The following EDIL3 variants were observed in gnomAD, a reference collection of about 807,000 sequenced individuals.
EDIL3 encodes EGF like and discoidin domains 3.
A neutral mutation model predicts 67.4 loss-of-function variants in EDIL3; 37 were observed. The ratio of observed to expected loss-of-function variants is 0.55; its 90% confidence interval spans 0.42 to 0.72. EDIL3 has a LOEUF of 0.72. Ranked by LOEUF, EDIL3 falls within the 30% of genes least tolerant of loss-of-function variation. The probability of loss-of-function intolerance (pLI) is 0.00; values close to 1 mark genes in which losing one functional copy is unlikely to be tolerated. For synonymous variants in EDIL3, 195 were observed against 196.3 expected, an observed-to-expected ratio of 0.99 and a Z score of 0.05; for missense variants, 527 against 586.3, an observed-to-expected ratio of 0.90 and a Z score of 1.04.
intron 1 of EDIL3, among the ~76,000 whole-genome samples, chr5:84,271,882 C>T (rs1745479345): frequency 2.0e-5 from 3 of 152,170 alleles, no homozygotes; most frequent in African/African-American, 7.2e-5. Flanking sequence ...ACCACATCCT[C>T]AACTGTGGAA....
intron 1 of EDIL3, among the ~76,000 whole-genome samples, chr5:84,352,851 A>G (rs892525009): frequency 6.6e-6 from 1 of 152,176 alleles, no homozygotes; most frequent in African/African-American, 2.4e-5. Context: ...AAAAAATAAT[A>G]AAAATGAAAT....
At chr5:84,125,335 T>C (rs1030162863) in intron 5 of EDIL3, among the ~76,000 whole-genome samples, 2 of 152,048 alleles carry the variant, frequency 1.3e-5, no homozygotes, top group East Asian at 3.8e-4. Context: ...ACTTGCATGA[T>C]GTTATTGCCA....
At chr5:84,297,386 T>G (rs527487868) in intron 1 of EDIL3, among the ~76,000 whole-genome samples, 2 of 152,080 alleles carry the variant, frequency 1.3e-5, no homozygotes, top group Non-Finnish European at 2.9e-5. Context: ...AAACAACAGA[T>G]GCTGATGAGG....
At chr5:83,952,537 T>G (rs920404542) in intron 10 of EDIL3, among the ~76,000 whole-genome samples, 1 of 151,824 alleles carries the variant, frequency 6.6e-6, no homozygotes, top group African/African-American at 2.4e-5. Context: ...CCAGGAGATA[T>G]TACCAGGAAT....
At chr5:84,215,373 C>G (rs1429401747) in intron 3 of EDIL3, among the ~76,000 whole-genome samples, 1 of 152,030 alleles carries the variant, frequency 6.6e-6, no homozygotes, top group Non-Finnish European at 1.5e-5. Context: ...CCTGCCTCAG[C>G]CTCCCGAGTA....
intron 4 of EDIL3, among the ~76,000 whole-genome samples, chr5:84,158,432 G>T (rs1748533338): frequency 6.6e-6 from 1 of 151,996 alleles, no homozygotes; most frequent in African/African-American, 2.4e-5. Context: ...AAATATGTCA[G>T]CTTTTTCTCA....
intron 9 of EDIL3, among the ~76,000 whole-genome samples, chr5:84,040,394 C>T (rs900234710): frequency 3.3e-5 from 5 of 151,768 alleles, no homozygotes; most frequent in Non-Finnish European, 7.4e-5. Flanking sequence ...ATTGGTAATA[C>T]CTCATGGTCA....
chr5:84,343,888 A>G (rs1206549889), intron 1 of EDIL3, among the ~76,000 whole-genome samples: 1 of 152,136 alleles, frequency 6.6e-6, no homozygotes, highest in African/African-American at 2.4e-5. Context: ...ACCAAAAAGT[A>G]ATGGAGTTTT....
chr5:84,124,696 AAT>A (rs1240732041), intron 5 of EDIL3, among the ~76,000 whole-genome samples: 1 of 151,856 alleles, frequency 6.6e-6, no homozygotes. Flanking sequence ...AACAAAAAAA[AAT>A]AGTTTTACTT....
intron 9 of EDIL3, among the ~76,000 whole-genome samples, chr5:83,976,492 C>T (rs1044918826): frequency 1.3e-5 from 2 of 151,852 alleles, no homozygotes; most frequent in Non-Finnish European, 2.9e-5. Flanking sequence ...TTAGCAGACA[C>T]ATTTTATTAA....
chr5:83,963,198 G>T lies in EDIL3; in HGVS notation c.1293+7C>A. The stretch of plus-strand genomic sequence containing the variant: ...CTGAACTTTATAAACCGATTTGGCT[G>T]ACTTACCTTATCTTTTCTTTGCTTT... On this transcript the variant is annotated splice_region_variant and intron_variant, in intron 10 of 10. Transcript: ENST00000296591. The T allele has an allele frequency of 6.3e-7, 1 of 1,586,640 alleles. No homozygotes were observed. The highest frequency in any genetic ancestry group is 1.2e-5 in the South Asian group (1 of 85,820).
chr5:84,377,293 G>T (rs1031787443), intron 1 of EDIL3, among the ~76,000 whole-genome samples: 2 of 147,946 alleles, frequency 1.4e-5, no homozygotes, highest in Non-Finnish European at 3.0e-5. Flanking sequence ...AGCCTGGGTA[G>T]CGAGACTCCG....
At chr5:84,029,260 C>T (rs1745874596) in intron 9 of EDIL3, among the ~76,000 whole-genome samples, 1 of 151,886 alleles carries the variant, frequency 6.6e-6, no homozygotes, top group African/African-American at 2.4e-5. Context: ...ATCTCACAAA[C>T]AAAACAAAAC....
At chr5:84,053,795 C>G (rs1270223929) in intron 9 of EDIL3, among the ~76,000 whole-genome samples, 1 of 152,116 alleles carries the variant, frequency 6.6e-6, no homozygotes. Context: ...ATAACAGGCT[C>G]TGAAATTGAG....
intron 9 of EDIL3, among the ~76,000 whole-genome samples, chr5:84,022,534 T>C (rs796361000): frequency 3.3e-5 from 5 of 152,044 alleles, no homozygotes; most frequent in African/African-American, 1.2e-4. Context: ...GTATACATAA[T>C]GGAATACTAA....
chr5:84,077,471 G>A (rs1191197949), intron 6 of EDIL3, among the ~76,000 whole-genome samples: 2 of 152,146 alleles, frequency 1.3e-5, no homozygotes, highest in African/African-American at 4.8e-5. Context: ...GTTCCACATG[G>A]CTGGGGAGGG....
At chr5:84,147,463 T>G (rs1748308126) in intron 4 of EDIL3, among the ~76,000 whole-genome samples, 1 of 152,062 alleles carries the variant, frequency 6.6e-6, no homozygotes, top group Admixed American at 6.6e-5. Flanking sequence ...TATTTAACTT[T>G]AATAGATAAT....
intron 9 of EDIL3, among the ~76,000 whole-genome samples, chr5:84,049,667 C>G (rs1016781072): frequency 7.2e-5 from 11 of 152,080 alleles, no homozygotes; most frequent in Admixed American, 1.3e-4. Context: ...AAGTTAAAAA[C>G]TAAAATTTGA....
chr5:84,143,514 A>G (rs892139479), intron 4 of EDIL3, among the ~76,000 whole-genome samples: 1 of 152,056 alleles, frequency 6.6e-6, no homozygotes, highest in Non-Finnish European at 1.5e-5. Context: ...TTATTTTAAG[A>G]TCTTTATTTA....
Sources: allele counts gnomAD v4.1 joint callset (sites outside exome capture counted in the v4.1 genomes callset), GRCh38; gene constraint gnomAD v4.1.1; transcripts MANE v1.5; gene names NCBI Gene and HGNC (gene_info 2026-07-23, HGNC 2026-07-21).